Variants in TSPAN2 observed in about 807,000 individuals in gnomAD.
TSPAN2 encodes tetraspanin 2.
A neutral mutation model predicts 33.3 loss-of-function variants in TSPAN2; 24 were observed. The ratio of observed to expected loss-of-function variants is 0.72; its 90% CI spans 0.52 to 1.01. TSPAN2 has a LOEUF of 1.01. Ranked by LOEUF, TSPAN2 falls within the 50% of genes least tolerant of loss-of-function variation. The pLI, the probability that TSPAN2 is intolerant of heterozygous loss-of-function variation, is 0.00. For synonymous variants in TSPAN2, 114 were observed against 104.5 expected (o/e 1.09, Z -0.56); for missense variants, 278 against 281.3 (o/e 0.99, Z 0.08).
intron 1 of TSPAN2, among the ~76,000 whole-genome samples, chr1:115,075,214 G>C (rs1648355525): frequency 1.3e-5 from 2 of 152,194 alleles, no homozygotes; most frequent in Admixed American, 6.5e-5. Flanking sequence ...AATTAAAAGA[G>C]AGGTTGCAAT....
intron 1 of TSPAN2, 135 bp from the exon 2 acceptor site, chr1:115,073,142 G>A (rs958627646): frequency 4.1e-6 from 3 of 723,154 alleles, no homozygotes; most frequent in South Asian, 3.2e-5. Context: ...CATTTTATAG[G>A]GGAGAAAATG....
At position 115,048,217 on chromosome 1, in the gene TSPAN2, A is replaced by G. The variant is rs538397994; in HGVS notation, c.*2273T>C. Reference sequence around the variant, plus strand: ...CACATCTGTATATACATACATGTATATATTCAAATTATATACATATAAAGA... The same window carrying G: ...CACATCTGTATATACATACATGTATGTATTCAAATTATATACATATAAAGA... On this transcript the variant is annotated 3_prime_UTR_variant, in exon 8 of 8. Coordinates refer to ENST00000369516, the MANE Select transcript of TSPAN2 (RefSeq NM_005725.6). 6.4e-4 allele frequency: 96 copies of G among 150,292 alleles called. No homozygotes were observed. The highest frequency in any genetic ancestry group is 1.1e-3 in the Non-Finnish European group (73 of 67,510). The allele number at this position is 150,292 out of a possible 1,614,324, so 9.3% of individuals were successfully genotyped here.
At chr1:115,077,073 T>G (rs1459506382) in intron 1 of TSPAN2, among the ~76,000 whole-genome samples, 1 of 151,852 alleles carries the variant, frequency 6.6e-6, no homozygotes, top group Non-Finnish European at 1.5e-5. Flanking sequence ...GCACACACCA[T>G]CACACTAGCT....
intron 1 of TSPAN2, among the ~76,000 whole-genome samples, chr1:115,085,747 T>C (rs1369498821): frequency 6.6e-6 from 1 of 152,138 alleles, no homozygotes; most frequent in African/African-American, 2.4e-5. Flanking sequence ...GATATCTAGA[T>C]ACTTTATCCC....
intron 1 of TSPAN2, among the ~76,000 whole-genome samples, chr1:115,075,675 A>G (rs1648376189): frequency 6.6e-6 from 1 of 152,148 alleles, no homozygotes; most frequent in African/African-American, 2.4e-5. Context: ...GCTGGAGGAA[A>G]TGGTCTCCCC....
chr1:115,073,941 C>T (rs1012682000), intron 1 of TSPAN2, among the ~76,000 whole-genome samples: 1 of 152,158 alleles, frequency 6.6e-6, no homozygotes, highest in African/African-American at 2.4e-5. Flanking sequence ...TTTCTCTCCA[C>T]AAACACCACT....
intron 1 of TSPAN2, among the ~76,000 whole-genome samples, chr1:115,085,248 T>C (rs559403856): frequency 6.6e-6 from 1 of 152,172 alleles, no homozygotes; most frequent in East Asian, 1.9e-4. Flanking sequence ...ATAAGAGAAA[T>C]TAATGTAGTG....
At chr1:115,086,021 C>A (rs1381384698) in intron 1 of TSPAN2, among the ~76,000 whole-genome samples, 1 of 152,040 alleles carries the variant, frequency 6.6e-6, no homozygotes, top group Non-Finnish European at 1.5e-5. Flanking sequence ...TGTAGTTATC[C>A]TCAAATGAAG....
intron 1 of TSPAN2, among the ~76,000 whole-genome samples, chr1:115,076,647 T>C (rs1648422086): frequency 6.6e-6 from 1 of 152,214 alleles, no homozygotes; most frequent in Admixed American, 6.5e-5. Flanking sequence ...AGAAACATTG[T>C]TGTTTTTCTG....
intron 2 of TSPAN2, among the ~76,000 whole-genome samples, chr1:115,068,333 A>G (rs1382659502): frequency 6.6e-6 from 1 of 152,230 alleles, no homozygotes; most frequent in Non-Finnish European, 1.5e-5. Flanking sequence ...GATGCCAGAA[A>G]GGAAAGCTTC....
At chr1:115,065,972 T>C (rs1384741569) in intron 2 of TSPAN2, among the ~76,000 whole-genome samples, 1 of 152,184 alleles carries the variant, frequency 6.6e-6, no homozygotes, top group Non-Finnish European at 1.5e-5. Context: ...ACTTATTCAG[T>C]TCCCACATGA....
At chr1:115,062,056 G>C in intron 3 of TSPAN2, 79 bp downstream of exon 3, 1 of 1,264,864 alleles carries the variant, frequency 7.9e-7, no homozygotes, top group African/African-American at 1.5e-5. Context: ...TGGAGCCAGG[G>C]GCCAGAGGCA....
chr1:115,076,139 T>C (rs1304255141), intron 1 of TSPAN2, among the ~76,000 whole-genome samples: 5 of 152,202 alleles, frequency 3.3e-5, no homozygotes, highest in African/African-American at 9.6e-5. Context: ...GGAGGAATCA[T>C]TAAATTTTAA....
intron 4 of TSPAN2, among the ~76,000 whole-genome samples, chr1:115,060,215 G>A (rs1193076725): frequency 1.3e-5 from 2 of 149,586 alleles, no homozygotes; most frequent in African/African-American, 4.9e-5. Flanking sequence ...TTTTTTTTTT[G>A]GTTTTATTAT....
intron 3 of TSPAN2, among the ~76,000 whole-genome samples, chr1:115,061,293 T>C (rs1388965113): frequency 1.3e-5 from 2 of 152,220 alleles, no homozygotes; most frequent in African/African-American, 4.8e-5. Flanking sequence ...TGTGGAGAAA[T>C]ATCAACACTT....
intron 7 of TSPAN2, among the ~76,000 whole-genome samples, chr1:115,051,952 C>T (rs1054534455): frequency 6.6e-6 from 1 of 152,330 alleles, no homozygotes; most frequent in Non-Finnish European, 1.5e-5. Context: ...TTATCATTGC[C>T]ATAAGGTTGG....
chr1:115,079,137 C>CCACACACACA (rs202132434), intron 1 of TSPAN2, among the ~76,000 whole-genome samples: 7,934 of 146,720 alleles, frequency 0.054, 237 homozygotes, highest in Non-Finnish European at 0.072. Flanking sequence ...AATTATAGCG[C>CCACACACACA]CACACACACA....
chr1:115,088,380 A>G (rs1161742021), intron 1 of TSPAN2, among the ~76,000 whole-genome samples: 2 of 152,150 alleles, frequency 1.3e-5, no homozygotes, highest in South Asian at 2.1e-4. Context: ...TCTTTATCCA[A>G]TGTTTCCCCT....
At chr1:115,055,058 T>G (rs929657815) in intron 6 of TSPAN2, among the ~76,000 whole-genome samples, 1 of 152,200 alleles carries the variant, frequency 6.6e-6, no homozygotes, top group Admixed American at 6.5e-5. Context: ...TTTCAGCTCC[T>G]CAGGAAGCCT....
Sources: gnomAD v4.1 joint callset for allele counts (sites outside exome capture counted in the v4.1 genomes callset) on GRCh38, gnomAD v4.1.1 for gene constraint, MANE v1.5 for transcripts, NCBI Gene and HGNC (gene_info 2026-07-23, HGNC 2026-07-21) for gene names.